Variants in ADAR observed in about 807,000 individuals in gnomAD.
ADAR encodes the protein adenosine deaminase RNA specific, also known as double-stranded RNA-specific adenosine deaminase.
Under a neutral mutation model 113.2 loss-of-function variants are expected in ADAR, and 41 were observed. That is an observed-to-expected ratio of 0.36 (90% confidence interval 0.28 to 0.47). The LOEUF (loss-of-function observed/expected upper bound fraction) is 0.47. Ranked by LOEUF, ADAR falls within the 20% of genes least tolerant of loss-of-function variation. The pLI is 1.00. For missense variants in ADAR, 1,242 were observed against 1,540.9 expected, an observed-to-expected ratio of 0.81 and a Z score of 3.25; for synonymous variants, 605 against 572.6, an observed-to-expected ratio of 1.06 and a Z score of -0.81.
At chr1:154,591,297 T>C (rs952817622) in intron 6 of ADAR, among the ~76,000 whole-genome samples, 1 of 152,256 alleles carries the variant, frequency 6.6e-6, no homozygotes, top group African/African-American at 2.4e-5. Flanking sequence ...CACAAGTCAC[T>C]GTTACTTCAT....
At chr1:154,593,643 C>A (rs184951828) in intron 6 of ADAR, among the ~76,000 whole-genome samples, 30 of 152,318 alleles carry the variant, frequency 2.0e-4, no homozygotes, top group Admixed American at 9.8e-4. Flanking sequence ...AGTAGAAGAG[C>A]AGCTGGAGGG....
At position 154,601,120 on chromosome 1, in the gene ADAR, G is replaced by C. The variant is rs1334491631; in HGVS notation, c.1522C>G (p.Leu508Val). Residue 508 changes from leucine to valine, a missense_variant, in exon 2 of 15, where the codon CTG (leucine) becomes GTG (valine). Around this residue, in one of 2 missense-constraint regions of ADAR, gnomAD observed 780 missense variants for 1,057.9 expected, o/e 0.74. Transcript: ENST00000368474. The surrounding 1 kb of genome is among the most constrained non-coding windows in gnomAD (Gnocchi z 4.7). ...ECQLKNPISG[L>V]LEYAQFASQT... ...CTAGCGAACTGGGCATATTCTAACA[G>C]CCCGCTGATGGGGTTCTTCAGCTGG... The C allele has an allele frequency of 6.2e-7, 1 of 1,614,220 alleles. No homozygotes were observed.
In ADAR at chr1:154,596,821, G is replaced by T; in HGVS notation, c.2254C>A (p.Pro752Thr). The change falls in exon 6 of 15, where the codon CCT becomes ACT. Residue 752 changes from proline to threonine, a missense_variant. Physicochemically the swap from Pro to Thr is conservative, Grantham distance 38. Coordinates refer to ENST00000368474, the MANE Select transcript of ADAR (RefSeq NM_001111.5). ...AEFKLVDQSG[P>T]PHEPKFVYQA... ...GACACTCACTTGGGCTCGTGAGGAG[G>T]TCCGGACTGGTCGACCAACTTGAAT... is the stretch of plus-strand genomic sequence containing the variant. 1.9e-6 allele frequency: 3 copies of T among 1,613,322 alleles called. No individual in the cohort carries two copies. The highest frequency in any genetic ancestry group is 2.5e-6 in the Non-Finnish European group (3 of 1,180,034).
chr1:154,585,027 A>G lies in ADAR; in HGVS notation c.3460T>C (p.Ser1154Pro), dbSNP rs887707722. The G allele has an allele frequency of 1.3e-5, 21 of 1,613,860 alleles. No homozygotes were observed. Among genetic ancestry groups the G allele is most frequent in the Middle Eastern group, 1.6e-4 (1 of 6,084 alleles). Reference protein sequence around the residue: ...GTVDGPRNELSRVSKKNIFLL... With the variant: ...GTVDGPRNELPRVSKKNIFLL... The stretch of plus-strand genomic sequence containing the variant: ...AAAATGTTCTTTTTGGAGACCCGGG[A>G]CAATTCATTCCGTGGCCTAGAGAAA... The change falls in exon 15 of 15, where the codon TCC becomes CCC. Residue 1154 changes from serine to proline, a missense_variant. Coordinates refer to ENST00000368474, the MANE Select transcript of ADAR (RefSeq NM_001111.5).
intron 1 of ADAR, among the ~76,000 whole-genome samples, chr1:154,626,565 T>A (rs1025423423): frequency 1.3e-5 from 2 of 152,196 alleles, no homozygotes. Flanking sequence ...AGCAAAAAGT[T>A]CCCCTGCTTC....
chr1:154,608,353 A>G (rs1230907799), upstream of ADAR: 5 of 350,644 alleles, frequency 1.4e-5, no homozygotes, highest in Non-Finnish European at 2.0e-5. Context: ...TTTGAGGCGG[A>G]GTCTCGCTCT....
In ADAR at chr1:154,589,856, T is replaced by C. The variant is rs1325955484; in HGVS notation, c.2569A>G (p.Asn857Asp). Residue 857 changes from asparagine to aspartate, a missense_variant, in exon 8 of 15, where the codon AAC (asparagine) becomes GAC (aspartate). By Grantham distance (23) the Asn-to-Asp change is conservative. Coordinates refer to ENST00000368474, the MANE Select transcript of ADAR (RefSeq NM_001111.5). ...CCGAGCAAGGAGGGCTGGAAGCTGT[T>C]AGTCAGAGTGTTGAAGCACCGGTGG... The part of the protein sequence containing the change: ...LSHRCFNTLT[N>D]SFQPSLLGRK... The C allele has an allele frequency of 6.2e-7, 1 of 1,614,008 alleles. No homozygotes were observed.
chr1:154,587,021 C>G (rs1404056141), intron 11 of ADAR, among the ~76,000 whole-genome samples: 2 of 152,156 alleles, frequency 1.3e-5, no homozygotes, highest in Non-Finnish European at 2.9e-5. Context: ...CCATTTAAAG[C>G]ATACAATTCA....
intron 11 of ADAR, 69 bp from the exon 12 acceptor site, chr1:154,586,432 T>C (rs1696768421): frequency 1.3e-6 from 2 of 1,508,304 alleles, no homozygotes; most frequent in Middle Eastern, 2.2e-4. Context: ...GTGGTTTCTA[T>C]CCTCCTTAAG....
At position 154,618,142 on chromosome 1, in the gene ADAR, A is replaced by G. The variant is rs571458813; in HGVS notation, c.-871+9713T>C. On this transcript the variant is annotated intron_variant, in intron 1 of 14. Transcript: ENST00000368471. ...TTCATATAGTAAGTATATATTCTTTATATACTTTAATGTTTTATTTGCTAT... is the reference window on the plus strand; with the variant it reads ...TTCATATAGTAAGTATATATTCTTTGTATACTTTAATGTTTTATTTGCTAT... 4.0e-5 allele frequency among the ~76,000 whole-genome samples: 6 copies of G among 151,056 alleles called. No individual in the cohort carries two copies. The East Asian group carries it at 1.2e-3, about 29-fold the overall frequency.
chr1:154,609,919 C>A (rs934243401), upstream of ADAR, among the ~76,000 whole-genome samples: 2 of 152,168 alleles, frequency 1.3e-5, no homozygotes, highest in African/African-American at 4.8e-5. Flanking sequence ...GTCATCTCCT[C>A]GGGGGCAGGA....
chr1:154,625,728 G>A (rs933531473), intron 1 of ADAR, among the ~76,000 whole-genome samples: 1 of 151,860 alleles, frequency 6.6e-6, no homozygotes, highest in African/African-American at 2.4e-5. Flanking sequence ...GCATAGGCCA[G>A]GCACGGTGGC....
upstream of ADAR, among the ~76,000 whole-genome samples, chr1:154,611,616 C>A (rs1387272420): frequency 6.6e-6 from 1 of 152,208 alleles, no homozygotes; most frequent in African/African-American, 2.4e-5. Flanking sequence ...TCATCCGTGC[C>A]TACCCTTCGA....
chr1:154,614,055 G>A (rs1345436521), intron 1 of ADAR, among the ~76,000 whole-genome samples: 2 of 151,982 alleles, frequency 1.3e-5, no homozygotes, highest in South Asian at 2.1e-4. Context: ...ATATGTGCCA[G>A]GCTTAAGTAT....
chr1:154,608,704 G>A (rs1698362963), upstream of ADAR: 1 of 152,186 alleles, frequency 6.6e-6, no homozygotes, highest in Non-Finnish European at 1.5e-5. Flanking sequence ...CAGGCCGTAG[G>A]CAGGAATACA....
In ADAR at chr1:154,584,166, T is replaced by G. The variant is rs1201987213; in HGVS notation, c.*640A>C. The stretch of plus-strand genomic sequence containing the variant: ...TTGCCCGCCCTGCAGCTGGCTAAAG[T>G]GCAGGATGGGAGGATGGCTGGGCAT... On this transcript the variant is annotated 3_prime_UTR_variant, in exon 15 of 15. Transcript: ENST00000368474. 2 of 152,450 alleles carry G rather than the reference T, an allele frequency of 1.3e-5. No homozygotes were observed. Among genetic ancestry groups the G allele is most frequent in the Non-Finnish European group, 2.9e-5 (2 of 68,244 alleles). The allele number at this position is 152,450 out of a possible 1,614,324, so 9.4% of individuals were successfully genotyped here. A position where few individuals can be genotyped will look rare whatever the true frequency, so the allele number is the denominator to read the frequency against.
chr1:154,602,688 G>A, intron 1 of ADAR, 62 bp from the exon 2 acceptor site: 2 of 1,591,342 alleles, frequency 1.3e-6, no homozygotes, highest in Non-Finnish European at 8.5e-7. Context: ...ACCTGTGGAG[G>A]CCCCTCCCTT....
chr1:154,617,813 A>G (rs1698675914), intron 1 of ADAR, among the ~76,000 whole-genome samples: 1 of 152,124 alleles, frequency 6.6e-6, no homozygotes, highest in Non-Finnish European at 1.5e-5. Flanking sequence ...AAATATATAT[A>G]TTTAATATCT....
At chr1:154,607,390 A>T (rs1168215473) in intron 1 of ADAR, among the ~76,000 whole-genome samples, 2 of 152,202 alleles carry the variant, frequency 1.3e-5, no homozygotes, top group Non-Finnish European at 2.9e-5. Flanking sequence ...TTTTAGCTAT[A>T]AAGTGGTTAA....
Sources: gnomAD v4.1 joint callset for allele counts (sites outside exome capture counted in the v4.1 genomes callset) on GRCh38, gnomAD v4.1.1 for gene constraint, gnomAD v4.1.1 regional missense constraint, Gnocchi (gnomAD v3.1) non-coding constraint, MANE v1.5 for transcripts, NCBI Gene and HGNC (gene_info 2026-07-23, HGNC 2026-07-21) for gene names.